Variants in SRSF11 observed in about 807,000 individuals in gnomAD.
SRSF11 encodes serine and arginine rich splicing factor 11, also known as serine/arginine-rich splicing factor 11.
Under a neutral mutation model 56.0 loss-of-function variants are expected in SRSF11, and 9 were observed. The ratio of observed to expected loss-of-function variants is 0.16; its 90% CI spans 0.10 to 0.28. The LOEUF is 0.28. Ranked by LOEUF, SRSF11 falls within the 10% of genes least tolerant of loss-of-function variation. The pLI is 1.00. For synonymous variants in SRSF11, 222 were observed against 215.3 expected (o/e 1.03, Z -0.27); for missense variants, 421 against 600.7 (o/e 0.70, Z 3.13).
At chr1:70,238,595 A>C (rs1486593403) in intron 6 of SRSF11, among the ~76,000 whole-genome samples, 3 of 152,320 alleles carry the variant, frequency 2.0e-5, no homozygotes, top group Admixed American at 6.5e-5. Context: ...GAAAATTGGT[A>C]GGGAAGAGGA....
intron 8 of SRSF11, among the ~76,000 whole-genome samples, chr1:70,246,512 G>A (rs1448716250): frequency 6.6e-6 from 1 of 152,052 alleles, no homozygotes; most frequent in Admixed American, 6.5e-5. Context: ...GTCTTGAGGA[G>A]CCTAGAGATA....
At chr1:70,214,894 G>GTTTTT (rs34229824) in intron 1 of SRSF11, among the ~76,000 whole-genome samples, 5 of 125,948 alleles carry the variant, frequency 4.0e-5, no homozygotes, top group South Asian at 2.6e-4. Flanking sequence ...CTGCAGATAA[G>GTTTTT]TTTTTTTTTT....
At position 70,237,373 on chromosome 1, in the gene SRSF11, G is replaced by A. The variant is rs552059237; in HGVS notation, c.591-52G>A. On this transcript the variant is annotated intron_variant, in intron 5 of 11. Coordinates refer to ENST00000370949, the MANE Select transcript of SRSF11 (RefSeq NM_001350605.2). ...ATATACTTAAGTATTTATTTGAAAT[G>A]CTCGTGTGCATTTTAAAATATTTCA... 110 of 1,597,602 alleles carry A rather than the reference G, an allele frequency of 6.9e-5. No homozygotes were observed. The African/African-American group carries it at 1.4e-3, about 20-fold the overall frequency.
Position 70,221,478 on chromosome 1 carries a change from G to C in SRSF11, c.-159G>C. 9.0e-7 allele frequency: 1 copy of C among 1,107,816 alleles called. No individual in the cohort carries two copies. Among genetic ancestry groups the C allele is most frequent in the Non-Finnish European group, 1.3e-6 (1 of 780,510 alleles). 68.6% of individuals were successfully genotyped at this position (1,107,816 alleles called of 1,614,324 possible). ...CTCCCCCGCGGCGTGCGGCGGGGCG[G>C]AGAAACGGCGGCGGCGGCGGCGGCA... On this transcript the variant is annotated 5_prime_UTR_variant, in exon 1 of 12. Transcript: ENST00000370949.
intron 9 of SRSF11, chr1:70,249,281 A>T (rs1221135165): frequency 6.6e-6 from 1 of 152,216 alleles, no homozygotes; most frequent in Non-Finnish European, 1.5e-5. Flanking sequence ...ATATCACATT[A>T]TTGAATTATT....
chr1:70,229,180 C>T (rs1211207084), intron 2 of SRSF11: 10 of 1,282,822 alleles, frequency 7.8e-6, no homozygotes, highest in Non-Finnish European at 1.0e-5. Flanking sequence ...AAATTCTTCT[C>T]TCTGTTATTT....
chr1:70,243,928 C>T (rs976610422), intron 7 of SRSF11, among the ~76,000 whole-genome samples: 4 of 151,962 alleles, frequency 2.6e-5, no homozygotes, highest in Admixed American at 6.6e-5. Context: ...GGGAGGATGA[C>T]AACATCTAAA....
chr1:70,216,848 T>A (rs1366804397), upstream of SRSF11, among the ~76,000 whole-genome samples: 1 of 152,202 alleles, frequency 6.6e-6, no homozygotes, highest in Non-Finnish European at 1.5e-5. Context: ...CTTCCTTCAC[T>A]TTGCTTTCCA....
At chr1:70,230,897 C>T in intron 2 of SRSF11, 1 of 1,189,850 alleles carries the variant, frequency 8.4e-7, no homozygotes, top group Non-Finnish European at 1.1e-6. Flanking sequence ...TGCATTACTG[C>T]CCTATATCTA....
Position 70,213,016 on chromosome 1 carries a change from G to A in SRSF11, c.-26+7236G>A, listed in dbSNP as rs147938194. Among the ~76,000 whole-genome samples the A allele has an allele frequency of 1.8e-3, 275 of 152,204 alleles. 2 individuals are homozygous for A. The highest frequency in any genetic ancestry group is 3.4e-3 in the Non-Finnish European group (228 of 68,008). ...TGAGTTTGAGGTTGCTGTGAACTCTGCACTTCAGCCTGGGTGACAGAACAA... is the reference window on the plus strand; with the variant it reads ...TGAGTTTGAGGTTGCTGTGAACTCTACACTTCAGCCTGGGTGACAGAACAA... On this transcript the variant is annotated intron_variant, in intron 1 of 12. Transcript: ENST00000370950.
In SRSF11 at chr1:70,221,751, A is replaced by G. The variant is rs1263966098; in HGVS notation, c.115A>G (p.Asn39Asp). ...GGGTEVIQVT[N>D]VSPSASSEQM... The stretch of plus-strand genomic sequence containing the variant: ...CGGCACCGAGGTAATCCAGGTGACT[A>G]ATGTCTCCCCGAGCGCTAGCTCTGA... Residue 39 changes from asparagine (N) to aspartate (D), a missense_variant, in exon 1 of 12, where the codon AAT (asparagine) becomes GAT (aspartate). Transcript: ENST00000370949. 1.2e-6 allele frequency: 2 copies of G among 1,614,066 alleles called. No homozygotes were observed. The highest frequency in any genetic ancestry group is 1.7e-5 in the Admixed American group (1 of 60,020).
intron 1 of SRSF11, among the ~76,000 whole-genome samples, chr1:70,207,863 C>G (rs1053517081): frequency 2.0e-5 from 3 of 151,964 alleles, no homozygotes; most frequent in African/African-American, 7.3e-5. Flanking sequence ...GTAGCCATCA[C>G]ACCACCATGC....
At chr1:70,234,831 A>T in intron 4 of SRSF11, 43 bp downstream of exon 4, 1 of 1,485,716 alleles carries the variant, frequency 6.7e-7, no homozygotes, top group East Asian at 2.3e-5. Flanking sequence ...TTTTTACAGA[A>T]GATCTGTTTC....
chr1:70,229,564 A>T (rs1672475821), intron 2 of SRSF11: 1 of 984,882 alleles, frequency 1.0e-6, no homozygotes, highest in African/African-American at 1.7e-5. Context: ...TCACTGAAAT[A>T]TGATAAAACT....
At chr1:70,217,329 T>G (rs1670101910), upstream of SRSF11, among the ~76,000 whole-genome samples, 1 of 152,158 alleles carries the variant, frequency 6.6e-6, no homozygotes, top group Admixed American at 6.5e-5. Context: ...CGGCTAATTT[T>G]GTATTTTTAG....
chr1:70,239,971 T>A (rs537372931), intron 7 of SRSF11, among the ~76,000 whole-genome samples: 6 of 152,346 alleles, frequency 3.9e-5, no homozygotes, highest in South Asian at 4.1e-4. Context: ...GGCAACAGAT[T>A]CATCTATTTT....
chr1:70,232,415 AAAC>A, intron 3 of SRSF11, 38 bp downstream of exon 3: 1 of 1,514,108 alleles, frequency 6.6e-7, no homozygotes, highest in South Asian at 1.2e-5. Context: ...GTGGGGAAAA[AAAC>A]AGAATTGTGC....
chr1:70,206,546 TATTAAG>T (rs986892915), intron 1 of SRSF11, among the ~76,000 whole-genome samples: 3 of 152,158 alleles, frequency 2.0e-5, no homozygotes, highest in African/African-American at 7.2e-5. Context: ...AACAAGTAAT[TATTAAG>T]ATTAATCCTG....
chr1:70,227,242 T>C lies in SRSF11; in HGVS notation c.204-1180T>C, dbSNP rs182832224. Among the ~76,000 whole-genome samples the C allele has an allele frequency of 4.6e-3, 699 of 152,346 alleles. 3 individuals carry two copies. Among genetic ancestry groups the C allele is most frequent in the Non-Finnish European group, 8.0e-3 (541 of 68,026 alleles). ...AACCAAATCTGATGCATTTACAATT[T>C]TATGTACACATTGGTGTGTTTCATT... On this transcript the variant is annotated intron_variant, in intron 1 of 11. Transcript: ENST00000370949.
Sources: allele counts gnomAD v4.1 joint callset (sites outside exome capture counted in the v4.1 genomes callset), GRCh38; gene constraint gnomAD v4.1.1; transcripts MANE v1.5; gene names NCBI Gene and HGNC (gene_info 2026-07-23, HGNC 2026-07-21).